CACNG2: variants seen among roughly 807,000 people sequenced by gnomAD.
The protein encoded by CACNG2 is calcium voltage-gated channel auxiliary subunit gamma 2, also known as voltage-dependent calcium channel gamma-2 subunit.
CACNG2 carries 3 observed loss-of-function variants against 25.9 expected under a neutral mutation model. The ratio of observed to expected loss-of-function variants is 0.12; its 90% CI spans 0.05 to 0.30. CACNG2 has a LOEUF of 0.30. Among genes scored for constraint, CACNG2 ranks in the 10% least tolerant of loss-of-function variants. CACNG2 has a pLI of 1.00. For missense variants in CACNG2, 341 were observed against 432.5 expected (o/e 0.79, Z 1.88); for synonymous variants, 167 against 173.3 (o/e 0.96, Z 0.29).
intron 1 of CACNG2, among the ~76,000 whole-genome samples, chr22:36,636,597 G>T (rs1376210967): frequency 1.3e-5 from 2 of 152,180 alleles, no homozygotes; most frequent in Non-Finnish European, 2.9e-5. Context: ...TTTGAATCAG[G>T]ACTAGCCATG....
chr22:36,678,531 C>G (rs1388228246), intron 1 of CACNG2, among the ~76,000 whole-genome samples: 1 of 152,158 alleles, frequency 6.6e-6, no homozygotes, highest in Middle Eastern at 3.4e-3. Flanking sequence ...AATTCTCAAG[C>G]CTTCTCCCCC....
chr22:36,696,650 C>A (rs1310902742), intron 1 of CACNG2, among the ~76,000 whole-genome samples: 2 of 152,114 alleles, frequency 1.3e-5, no homozygotes, highest in Non-Finnish European at 2.9e-5. Context: ...GAGACAGACA[C>A]CACATATAAT....
At chr22:36,658,686 G>T (rs1162597266) in intron 1 of CACNG2, among the ~76,000 whole-genome samples, 1 of 152,218 alleles carries the variant, frequency 6.6e-6, no homozygotes, top group Non-Finnish European at 1.5e-5. Context: ...GACCAAAGCA[G>T]GAATGTTCCT....
intron 1 of CACNG2, among the ~76,000 whole-genome samples, chr22:36,625,021 T>A (rs1157250137): frequency 2.5e-4 from 2 of 7,970 alleles, no homozygotes; most frequent in African/African-American, 9.7e-4. Context: ...AGTGAGACTC[T>A]GTCTCAAAAA....
intron 1 of CACNG2, among the ~76,000 whole-genome samples, chr22:36,694,276 T>C (rs971331899): frequency 1.3e-5 from 2 of 152,172 alleles, no homozygotes; most frequent in Non-Finnish European, 2.9e-5. Flanking sequence ...TTTGTCCCCC[T>C]CTCCCCTGAA....
chr22:36,581,282 T>C (rs1200007151), intron 2 of CACNG2, among the ~76,000 whole-genome samples: 2 of 152,178 alleles, frequency 1.3e-5, no homozygotes, highest in Non-Finnish European at 2.9e-5. Flanking sequence ...GCTGTTTCTC[T>C]ATCAGTGTGG....
chr22:36,600,693 C>T (rs186758999), intron 1 of CACNG2, among the ~76,000 whole-genome samples: 143 of 152,060 alleles, frequency 9.4e-4, no homozygotes, highest in African/African-American at 3.4e-3. Context: ...ATTACAGACA[C>T]GCACCACCAA....
chr22:36,623,201 A>C (rs1936135371), intron 1 of CACNG2, among the ~76,000 whole-genome samples: 1 of 151,366 alleles, frequency 6.6e-6, no homozygotes, highest in Non-Finnish European at 1.5e-5. Context: ...TTGTATTTTT[A>C]GAAGAGATGG....
At chr22:36,675,840 C>T (rs1318479732) in intron 1 of CACNG2, among the ~76,000 whole-genome samples, 1 of 152,216 alleles carries the variant, frequency 6.6e-6, no homozygotes, top group Non-Finnish European at 1.5e-5. Context: ...CAAGTACTAC[C>T]ACTAGTGACA....
At chr22:36,576,176 A>G (rs576883521) in intron 2 of CACNG2, among the ~76,000 whole-genome samples, 14 of 152,372 alleles carry the variant, frequency 9.2e-5, no homozygotes, top group Non-Finnish European at 1.8e-4. Flanking sequence ...TGGTATAAAT[A>G]TGATGGAATA....
intron 1 of CACNG2, among the ~76,000 whole-genome samples, chr22:36,609,893 GCCCC>G (rs778695919): frequency 6.6e-5 from 9 of 136,432 alleles, no homozygotes; most frequent in Non-Finnish European, 1.3e-4. Context: ...GGAGGAATCA[GCCCC>G]CAGAGCATGA....
intron 1 of CACNG2, among the ~76,000 whole-genome samples, chr22:36,666,940 AG>A (rs1198980866): frequency 6.6e-6 from 1 of 151,402 alleles, no homozygotes; most frequent in East Asian, 1.9e-4. Context: ...TTTCTCTGCA[AG>A]AACTGCTTCC....
At chr22:36,680,735 A>G (rs899843853) in intron 1 of CACNG2, among the ~76,000 whole-genome samples, 11 of 30,628 alleles carry the variant, frequency 3.6e-4, no homozygotes, top group African/African-American at 1.4e-3. Flanking sequence ...TACCATCACC[A>G]TCACCACCAC....
At chr22:36,646,341 A>C (rs1015681444) in intron 1 of CACNG2, among the ~76,000 whole-genome samples, 1 of 152,242 alleles carries the variant, frequency 6.6e-6, no homozygotes, top group East Asian at 1.9e-4. Flanking sequence ...CACTGGAATT[A>C]AAATTTAGCA....
chr22:36,619,126 G>A (rs1275333948), intron 1 of CACNG2, among the ~76,000 whole-genome samples: 1 of 152,158 alleles, frequency 6.6e-6, no homozygotes, highest in East Asian at 1.9e-4. Context: ...ACCCAGAAAG[G>A]TGAAGGGATG....
intron 1 of CACNG2, among the ~76,000 whole-genome samples, chr22:36,621,858 A>G (rs1186628594): frequency 6.6e-6 from 1 of 152,228 alleles, no homozygotes; most frequent in Non-Finnish European, 1.5e-5. Flanking sequence ...TTAAAAAGAC[A>G]ACAGGATCTT....
intron 1 of CACNG2, among the ~76,000 whole-genome samples, chr22:36,629,215 C>T (rs1936230457): frequency 6.6e-6 from 1 of 152,154 alleles, no homozygotes; most frequent in Admixed American, 6.5e-5. Flanking sequence ...TAAGGAATAA[C>T]CGAAGCCTTA....
chr22:36,618,182 G>C (rs1015777149), intron 1 of CACNG2, among the ~76,000 whole-genome samples: 11 of 152,176 alleles, frequency 7.2e-5, no homozygotes, highest in Non-Finnish European at 1.3e-4. Context: ...GGTTTTGGTG[G>C]GACCAACCTC....
At chr22:36,669,961 G>T (rs1023227281) in intron 1 of CACNG2, among the ~76,000 whole-genome samples, 1 of 152,060 alleles carries the variant, frequency 6.6e-6, no homozygotes, top group Non-Finnish European at 1.5e-5. Flanking sequence ...TGATCCACCC[G>T]CCTTGGCCTC....
Sources: gnomAD v4.1 joint callset for allele counts (sites outside exome capture counted in the v4.1 genomes callset) on GRCh38, gnomAD v4.1.1 for gene constraint, MANE v1.5 for transcripts, NCBI Gene and HGNC (gene_info 2026-07-23, HGNC 2026-07-21) for gene names.